SENP6: variants seen among roughly 807,000 people sequenced by gnomAD.
The protein encoded by SENP6 is SUMO specific peptidase 6, also known as sentrin-specific protease 6.
SENP6 carries 41 observed loss-of-function variants against 134.5 expected under a neutral mutation model. The observed-to-expected ratio is 0.30, with a 90% CI of 0.24 to 0.40. The LOEUF (loss-of-function observed/expected upper bound fraction) is 0.40, where lower values mean the gene tolerates loss of function less well. Ranked by LOEUF, SENP6 falls within the 10% of genes least tolerant of loss-of-function variation. The pLI is 1.00. For synonymous variants in SENP6, 395 were observed against 429.8 expected (o/e 0.92, Z 1.00); for missense variants, 1,248 against 1,312.5 (o/e 0.95, Z 0.76).
chr6:75,616,519 C>A (rs868748107), intron 1 of SENP6, among the ~76,000 whole-genome samples: 1 of 151,962 alleles, frequency 6.6e-6, no homozygotes, highest in Non-Finnish European at 1.5e-5. Context: ...GAGGCCGAGG[C>A]GGGTGGATCA....
At chr6:75,648,826 C>A (rs917104882) in intron 7 of SENP6, among the ~76,000 whole-genome samples, 3 of 151,970 alleles carry the variant, frequency 2.0e-5, no homozygotes, top group Non-Finnish European at 4.4e-5. Context: ...GTTGAAGATC[C>A]CTATAAGCTA....
intron 20 of SENP6, 38 bp from the exon 21 acceptor site, chr6:75,711,289 TA>T: frequency 1.4e-6 from 2 of 1,405,836 alleles, no homozygotes; most frequent in Non-Finnish European, 1.0e-6. Flanking sequence ...TTATTTAGAT[TA>T]TATATTTTCA....
chr6:75,666,159 GATATATATATAAAACGTATATATGATAT>G (rs1271761759), intron 9 of SENP6, among the ~76,000 whole-genome samples: 1 of 119,684 alleles, frequency 8.4e-6, no homozygotes, highest in Non-Finnish European at 1.8e-5. Flanking sequence ...AAACATATAT[GATATATATATAAAACGTATATATGATAT>G]ATATAAAACG....
chr6:75,690,693 T>G (rs1774175091), intron 16 of SENP6, among the ~76,000 whole-genome samples: 1 of 131,836 alleles, frequency 7.6e-6, no homozygotes, highest in South Asian at 2.4e-4. Flanking sequence ...GGTTTTTTTG[T>G]TTTTTGTTTT....
intron 16 of SENP6, among the ~76,000 whole-genome samples, chr6:75,694,639 A>AT (rs1364791738): frequency 2.6e-5 from 4 of 152,240 alleles, no homozygotes. Flanking sequence ...AAATAGAACC[A>AT]TAAAATGTGT....
At chr6:75,624,844 T>A (rs942983435) in intron 3 of SENP6, among the ~76,000 whole-genome samples, 3 of 152,136 alleles carry the variant, frequency 2.0e-5, no homozygotes, top group Non-Finnish European at 2.9e-5. Context: ...TTAAAAAAAA[T>A]GTTTTTGGCC....
chr6:75,614,025 G>T (rs1767662998), intron 1 of SENP6, among the ~76,000 whole-genome samples: 1 of 152,098 alleles, frequency 6.6e-6, no homozygotes, highest in African/African-American at 2.4e-5. Context: ...AGAAAACAGG[G>T]TGGTTATTTT....
chr6:75,678,941 C>T lies in SENP6; in HGVS notation c.2075+14C>T, dbSNP rs1253406734. On this transcript the variant is annotated intron_variant, in intron 16 of 23. Transcript: ENST00000447266. ...CTTTTATTTGAAGTAAGTTAATTTT[C>T]CACTGATCTTTTATTAAATCTTTAA... 8.7e-7 allele frequency: 1 copy of T among 1,145,420 alleles called. No homozygotes were observed. The highest frequency in any genetic ancestry group is 1.3e-5 in the South Asian group (1 of 77,190). The allele number at this position is 1,145,420 out of a possible 1,614,324, so 71.0% of individuals were successfully genotyped here. A position where few individuals can be genotyped will look rare whatever the true frequency, so the allele number is the denominator to read the frequency against.
chr6:75,709,421 C>G (rs1775617178), intron 19 of SENP6, 106 bp from the exon 20 acceptor site: 7 of 666,126 alleles, frequency 1.1e-5, no homozygotes, highest in Non-Finnish European at 1.5e-5. Context: ...ATTTTGTGTT[C>G]TTGACTACTG....
At chr6:75,712,844 C>A (rs1775829194) in intron 21 of SENP6, among the ~76,000 whole-genome samples, 2 of 151,976 alleles carry the variant, frequency 1.3e-5, no homozygotes, top group African/African-American at 4.8e-5. Context: ...GTAGCACATG[C>A]CTATAATCCC....
At chr6:75,617,971 C>A in intron 1 of SENP6, among the ~76,000 whole-genome samples, 1 of 152,174 alleles carries the variant, frequency 6.6e-6, no homozygotes, top group Admixed American at 6.5e-5. Flanking sequence ...GGGAAAGGAT[C>A]ACAGTGCTGA....
chr6:75,673,622 C>T (rs1443639577), intron 11 of SENP6, among the ~76,000 whole-genome samples: 1 of 151,968 alleles, frequency 6.6e-6, no homozygotes, highest in Non-Finnish European at 1.5e-5. Context: ...CTGTGCCCAG[C>T]CCAGTGTCTA....
intron 3 of SENP6, among the ~76,000 whole-genome samples, chr6:75,630,362 G>A (rs1238870484): frequency 6.6e-6 from 1 of 152,126 alleles, no homozygotes; most frequent in African/African-American, 2.4e-5. Context: ...GAGCTGCTCG[G>A]CCAACATTTT....
chr6:75,617,197 T>C (rs1284103186), intron 1 of SENP6, among the ~76,000 whole-genome samples: 4 of 151,950 alleles, frequency 2.6e-5, no homozygotes, highest in African/African-American at 4.8e-5. Context: ...TTTAAAACTT[T>C]TTCTTTTGGA....
At chr6:75,667,547 A>G (rs529942429) in intron 10 of SENP6, among the ~76,000 whole-genome samples, 1 of 152,166 alleles carries the variant, frequency 6.6e-6, no homozygotes, top group Non-Finnish European at 1.5e-5. Context: ...TATTCAATGG[A>G]CTTTAAAAAT....
chr6:75,630,734 T>C (rs1212419704), intron 3 of SENP6, among the ~76,000 whole-genome samples: 2 of 152,158 alleles, frequency 1.3e-5, no homozygotes, highest in African/African-American at 4.8e-5. Context: ...TGTGCTTCTT[T>C]TAAGGGATTT....
intron 21 of SENP6, 79 bp downstream of exon 21, chr6:75,711,495 TA>T: frequency 3.4e-6 from 3 of 880,916 alleles, no homozygotes. Flanking sequence ...GTTTTTTTTT[TA>T]AATAAATACT....
chr6:75,607,287 G>A (rs1204792234), intron 1 of SENP6, among the ~76,000 whole-genome samples: 1 of 151,738 alleles, frequency 6.6e-6, no homozygotes, highest in African/African-American at 2.4e-5. Context: ...AGTACAGAGC[G>A]AGACCCTGCC....
intron 9 of SENP6, among the ~76,000 whole-genome samples, chr6:75,663,884 A>G (rs17499394): frequency 0.26 from 39,393 of 150,712 alleles, 6,105 homozygotes; most frequent in Non-Finnish European, 0.36. Flanking sequence ...TTGACATACA[A>G]TATCCTTACC....
Sources: allele counts gnomAD v4.1 joint callset (sites outside exome capture counted in the v4.1 genomes callset), GRCh38; gene constraint gnomAD v4.1.1; transcripts MANE v1.5; gene names NCBI Gene and HGNC (gene_info 2026-07-23, HGNC 2026-07-21).